The following ST3GAL1 variants were observed in gnomAD, a reference collection of about 807,000 sequenced individuals.
The protein encoded by ST3GAL1 is ST3 beta-galactoside alpha-2,3-sialyltransferase 1, also known as CMP-N-acetylneuraminate-beta-galactosamide-alpha-2,3-sialyltransferase 1.
In ST3GAL1, 16 loss-of-function variants were observed where a neutral mutation model predicts 34.1. That is an observed-to-expected ratio of 0.47 (90% CI 0.32 to 0.71). ST3GAL1 has a LOEUF of 0.71. Among genes scored for constraint, ST3GAL1 ranks in the 30% least tolerant of loss-of-function variants. The pLI, the probability that ST3GAL1 is intolerant of heterozygous loss-of-function variation, is 0.04. For synonymous variants in ST3GAL1, 191 were observed against 184.7 expected, an observed-to-expected ratio of 1.03 and a Z score of -0.28; for missense variants, 353 against 447.4, an observed-to-expected ratio of 0.79 and a Z score of 1.90.
At position 133,459,700 on chromosome 8, in the gene ST3GAL1, G is replaced by T; in HGVS notation, c.*64C>A. On this transcript the variant is annotated 3_prime_UTR_variant, in exon 10 of 10. Transcript: ENST00000522652. This position sits in a 1 kb window ranked among gnomAD's most constrained non-coding sequence, Gnocchi z 4.7. ...CAAGCTCCGGGATGGAACGGCTCCA[G>T]CAAGATGCTGGGGCTGGAAATGCAG... 2 of 1,537,206 alleles carry T rather than the reference G, an allele frequency of 1.3e-6. No individual in the cohort carries two copies. Among genetic ancestry groups the T allele is most frequent in the Non-Finnish European group, 1.8e-6 (2 of 1,137,162 alleles).
At position 133,495,902 on chromosome 8, in the gene ST3GAL1, G is replaced by A. The variant is rs561648813; in HGVS notation, c.-374+3233C>T. Among the ~76,000 whole-genome samples the A allele has an allele frequency of 2.7e-4, 41 of 152,322 alleles. 1 individual carries two copies. The highest frequency in any genetic ancestry group is 9.4e-4 in the African/African-American group (39 of 41,576). ...TTTAACCAAATAGAGAAAGTGGTCA[G>A]GTTGCGCCTGAACTGCTGTGGAGGG... is the stretch of plus-strand genomic sequence containing the variant. On this transcript the variant is annotated intron_variant, in intron 3 of 9. Coordinates refer to ENST00000522652, the MANE Select transcript of ST3GAL1 (RefSeq NM_173344.3).
At chr8:133,535,639 C>T (rs1326539614) in intron 2 of ST3GAL1, among the ~76,000 whole-genome samples, 1 of 152,072 alleles carries the variant, frequency 6.6e-6, no homozygotes, top group Non-Finnish European at 1.5e-5. Context: ...TGCACATGCA[C>T]CATTCCCGGC....
chr8:133,491,909 C>G (rs572086907), intron 3 of ST3GAL1, among the ~76,000 whole-genome samples: 48 of 152,176 alleles, frequency 3.2e-4, no homozygotes, highest in Non-Finnish European at 5.7e-4. Context: ...GGAAGAGTAG[C>G]TCTCATCAGA....
chr8:133,517,389 A>G (rs1048345879), intron 2 of ST3GAL1, among the ~76,000 whole-genome samples: 1 of 152,052 alleles, frequency 6.6e-6, no homozygotes, highest in Admixed American at 6.6e-5. Context: ...TCACTCTCTC[A>G]CCCAGGCTGG....
At chr8:133,463,828 C>T (rs993982772) in intron 7 of ST3GAL1, among the ~76,000 whole-genome samples, 7 of 152,330 alleles carry the variant, frequency 4.6e-5, no homozygotes, top group Middle Eastern at 6.8e-3. Context: ...TGGTGAGGCC[C>T]GCGGCTGCCC....
chr8:133,484,842 T>C (rs554170355), intron 3 of ST3GAL1, among the ~76,000 whole-genome samples: 1 of 152,278 alleles, frequency 6.6e-6, no homozygotes, highest in South Asian at 2.1e-4. Context: ...CTGATACCGC[T>C]GACCCTGGGT....
At chr8:133,483,914 C>T (rs1816485023) in intron 3 of ST3GAL1, among the ~76,000 whole-genome samples, 1 of 152,162 alleles carries the variant, frequency 6.6e-6, no homozygotes, top group African/African-American at 2.4e-5. Context: ...CTCCAATTTT[C>T]CACTCTCCAA....
In ST3GAL1 at chr8:133,503,477, G is replaced by A. The variant is rs544290502; in HGVS notation, c.-428-4288C>T. 1.3e-4 allele frequency among the ~76,000 whole-genome samples: 19 copies of A among 149,664 alleles called. No homozygotes were observed. In the South Asian group the frequency reaches 2.6e-3, roughly 20 times the overall value. ...TCTGCTCCCCCTCCGCCCCATCTCC[G>A]CCACCCCTCCTTGAAGGCCCTCCCT... is the stretch of plus-strand genomic sequence containing the variant. On this transcript the variant is annotated intron_variant, in intron 2 of 9. Transcript: ENST00000522652.
In ST3GAL1 at chr8:133,459,925, C is replaced by T. The variant is rs752786026; in HGVS notation, c.862G>A (p.Gly288Ser). ...TTCCCTTTGCTGTCTGCCCCGAAGC[C>T]GTACAAGTCCACCTGTGGGAGCAAA... The part of the protein sequence containing the change: ...MHVCDEVDLY[G>S]FGADSKGNWH... The change falls in exon 10 of 10, where the codon GGC becomes AGC. Residue 288 changes from glycine (G) to serine (S), a missense_variant. Transcript: ENST00000522652. The surrounding 1 kb of genome is among the most constrained non-coding windows in gnomAD (Gnocchi z 4.7). 3.7e-6 allele frequency: 6 copies of T among 1,611,958 alleles called. No individual in the cohort carries two copies. The highest frequency in any genetic ancestry group is 5.1e-6 in the Non-Finnish European group (6 of 1,178,768).
chr8:133,471,424 C>T (rs899720095), intron 5 of ST3GAL1, among the ~76,000 whole-genome samples: 3 of 152,166 alleles, frequency 2.0e-5, no homozygotes, highest in Non-Finnish European at 2.9e-5. Context: ...TGAGCAGAAG[C>T]GCATGTTCTA....
intron 3 of ST3GAL1, among the ~76,000 whole-genome samples, chr8:133,482,365 T>C (rs909826603): frequency 2.0e-5 from 3 of 152,230 alleles, no homozygotes; most frequent in African/African-American, 7.2e-5. Flanking sequence ...GTTGCCTGTA[T>C]GTGTCACGGG....
intron 1 of ST3GAL1, among the ~76,000 whole-genome samples, chr8:133,562,340 G>A (rs1819251002): frequency 6.6e-6 from 1 of 151,872 alleles, no homozygotes; most frequent in African/African-American, 2.4e-5. Context: ...CTCCCGAGTA[G>A]CTGGGACTAC....
intron 4 of ST3GAL1, 81 bp downstream of exon 4, chr8:133,476,197 A>C: frequency 1.5e-6 from 1 of 671,608 alleles, no homozygotes; most frequent in Non-Finnish European, 2.4e-6. Flanking sequence ...CTGGGGGATG[A>C]CCCCCAACTG....
chr8:133,475,822 C>A lies in ST3GAL1; in HGVS notation c.203G>T (p.Arg68Leu), dbSNP rs752323776. ...PCTCTHCIGQ[R>L]KLSAWFDERF... ...CTCATCGAACCAGGCCGAGAGCTTG[C>A]GCTGCCCGATGCAGTGGGTGCAGGT... The change falls in exon 5 of 10, where the codon CGC becomes CTC. Residue 68 changes from arginine to leucine, a missense_variant. Arg to Leu is a moderately radical substitution (Grantham distance 102, BLOSUM62 -2). Transcript: ENST00000522652. The A allele has an allele frequency of 6.2e-7, 1 of 1,614,150 alleles. No individual in the cohort carries two copies. The highest frequency in any genetic ancestry group is 8.5e-7 in the Non-Finnish European group (1 of 1,180,036).
intron 2 of ST3GAL1, among the ~76,000 whole-genome samples, chr8:133,542,005 G>T (rs1003256711): frequency 1.3e-5 from 2 of 152,078 alleles, no homozygotes; most frequent in African/African-American, 4.8e-5. Flanking sequence ...AGATAGATAG[G>T]TCAATTTGAA....
In ST3GAL1 at chr8:133,555,791, C is replaced by T. The variant is rs141769244; in HGVS notation, c.-581-9865G>A. 6.0e-4 allele frequency among the ~76,000 whole-genome samples: 91 copies of T among 152,280 alleles called. 2 individuals carry two copies. The East Asian group carries it at 9.1e-3, about 15-fold the overall frequency. ...CCACCCCTCACTGCTGCTGTTGGAA[C>T]GGCTCACCATCTTTCCAGTCCCAGC... is the stretch of plus-strand genomic sequence containing the variant. On this transcript the variant is annotated intron_variant, in intron 1 of 9. Coordinates refer to ENST00000522652, the MANE Select transcript of ST3GAL1 (RefSeq NM_173344.3).
At chr8:133,506,956 T>TAATAAATAAATA (rs58208913) in intron 2 of ST3GAL1, among the ~76,000 whole-genome samples, 4 of 147,860 alleles carry the variant, frequency 2.7e-5, no homozygotes, top group Admixed American at 1.3e-4. Context: ...AATAAATAAA[T>TAATAAATAAATA]AATAAATAAA....
intron 8 of ST3GAL1, 149 bp downstream of exon 8, chr8:133,463,265 T>C (rs1815578701): frequency 1.2e-6 from 1 of 848,250 alleles, no homozygotes; most frequent in Admixed American, 2.4e-5. Context: ...GTTTGACCTC[T>C]TCCCCCAGGG....
At chr8:133,491,259 T>C (rs1395908175) in intron 3 of ST3GAL1, among the ~76,000 whole-genome samples, 1 of 96,304 alleles carries the variant, frequency 1.0e-5, no homozygotes, top group Non-Finnish European at 2.3e-5. Flanking sequence ...CGAGGAGTGC[T>C]ACATTTGGAG....
Sources: allele counts gnomAD v4.1 joint callset (sites outside exome capture counted in the v4.1 genomes callset), GRCh38; gene constraint gnomAD v4.1.1; non-coding constraint Gnocchi (gnomAD v3.1); transcripts MANE v1.5; gene names NCBI Gene and HGNC (gene_info 2026-07-23, HGNC 2026-07-21).